Variants in SYT16 observed in about 807,000 individuals in gnomAD.
SYT16 encodes synaptotagmin 16, also known as synaptotagmin-16.
A neutral mutation model predicts 61.4 loss-of-function variants in SYT16; 42 were observed. The observed-to-expected ratio is 0.68, with a 90% CI of 0.53 to 0.89. SYT16 has a LOEUF of 0.89. SYT16 is among the 40% of genes least tolerant of loss of function. The pLI, the probability that SYT16 is intolerant of heterozygous loss-of-function variation, is 0.00. For synonymous variants in SYT16, 314 were observed against 302.3 expected, an observed-to-expected ratio of 1.04 and a Z score of -0.40; for missense variants, 804 against 807.3, an observed-to-expected ratio of 1.00 and a Z score of 0.05.
At chr14:61,973,122 C>T (rs758676720) in intron 2 of SYT16, among the ~76,000 whole-genome samples, 21 of 152,148 alleles carry the variant, frequency 1.4e-4, no homozygotes, top group South Asian at 8.3e-4. Context: ...TAATTCCTTT[C>T]GATTATGTGG....
At chr14:62,082,943 G>T (rs1275961616) in intron 6 of SYT16, among the ~76,000 whole-genome samples, 3 of 152,246 alleles carry the variant, frequency 2.0e-5, no homozygotes, top group Non-Finnish European at 4.4e-5. Context: ...TACGGATTCA[G>T]AATTTGATGG....
intron 1 of SYT16, among the ~76,000 whole-genome samples, chr14:61,924,268 T>C (rs1462585525): frequency 6.6e-6 from 1 of 152,214 alleles, no homozygotes; most frequent in African/African-American, 2.4e-5. Flanking sequence ...CCCTAATGGT[T>C]GGCAGGTCTC....
At chr14:61,817,005 C>T (rs796572879) in intron 1 of SYT16, among the ~76,000 whole-genome samples, 5 of 60,404 alleles carry the variant, frequency 8.3e-5, no homozygotes, top group African/African-American at 3.1e-4. Flanking sequence ...AGTGAGGCTC[C>T]GTCACACACA....
At chr14:61,905,190 A>G (rs2048657984) in intron 1 of SYT16, among the ~76,000 whole-genome samples, 1 of 152,238 alleles carries the variant, frequency 6.6e-6, no homozygotes, top group Non-Finnish European at 1.5e-5. Flanking sequence ...CAGATGCCTG[A>G]AATTCCATCT....
intron 3 of SYT16, among the ~76,000 whole-genome samples, chr14:61,998,354 C>G (rs1332934712): frequency 1.3e-5 from 2 of 151,890 alleles, no homozygotes; most frequent in African/African-American, 4.8e-5. Context: ...TTAGTCAGTC[C>G]TTTCCCTATT....
chr14:62,085,559 A>C (rs571653533), intron 7 of SYT16, among the ~76,000 whole-genome samples: 1 of 152,330 alleles, frequency 6.6e-6, no homozygotes, highest in African/African-American at 2.4e-5. Context: ...TAGGAGCACC[A>C]CTGGAAAAGA....
At chr14:62,008,358 C>T (rs2053309031) in intron 3 of SYT16, among the ~76,000 whole-genome samples, 1 of 152,126 alleles carries the variant, frequency 6.6e-6, no homozygotes, top group South Asian at 2.1e-4. Flanking sequence ...TAATGGAGTT[C>T]TTAGTGCTCT....
At chr14:61,898,259 C>A (rs1224921317) in intron 1 of SYT16, among the ~76,000 whole-genome samples, 1 of 152,172 alleles carries the variant, frequency 6.6e-6, no homozygotes, top group Non-Finnish European at 1.5e-5. Context: ...CCACTCCTAC[C>A]TTATCCTAGT....
intron 3 of SYT16, among the ~76,000 whole-genome samples, chr14:62,021,914 T>A (rs2053923829): frequency 6.6e-6 from 1 of 152,204 alleles, no homozygotes; most frequent in South Asian, 2.1e-4. Flanking sequence ...GTAAGCAAAT[T>A]CTAGTATCTT....
At chr14:62,053,548 A>G (rs543201705) in intron 3 of SYT16, among the ~76,000 whole-genome samples, 34 of 152,274 alleles carry the variant, frequency 2.2e-4, no homozygotes, top group African/African-American at 7.2e-4. Flanking sequence ...TATTGATTCT[A>G]TTTCTCTGCA....
chr14:62,058,258 A>T (rs2055655299), intron 3 of SYT16, among the ~76,000 whole-genome samples: 1 of 152,054 alleles, frequency 6.6e-6, no homozygotes, highest in South Asian at 2.1e-4. Context: ...CTTTGTGTGA[A>T]CATGTGTCTT....
At chr14:62,017,797 G>A (rs1018879685) in intron 3 of SYT16, among the ~76,000 whole-genome samples, 3 of 150,994 alleles carry the variant, frequency 2.0e-5, no homozygotes, top group Admixed American at 6.6e-5. Flanking sequence ...CATAGCTCAC[G>A]GCAGCCTTGA....
intron 1 of SYT16, among the ~76,000 whole-genome samples, chr14:61,878,202 A>G (rs1448882910): frequency 6.6e-6 from 1 of 152,240 alleles, no homozygotes; most frequent in Non-Finnish European, 1.5e-5. Context: ...AAAAAAAGTC[A>G]TTATATTGAA....
chr14:61,828,282 G>C (rs1187411898), intron 1 of SYT16, among the ~76,000 whole-genome samples: 1 of 152,104 alleles, frequency 6.6e-6, no homozygotes, highest in Non-Finnish European at 1.5e-5. Context: ...CATACTTTTT[G>C]CCTTCAAAAA....
At chr14:62,078,299 G>A (rs532807852) in intron 5 of SYT16, among the ~76,000 whole-genome samples, 1 of 152,206 alleles carries the variant, frequency 6.6e-6, no homozygotes, top group South Asian at 2.1e-4. Context: ...TTGGATACGA[G>A]TTAAGGCAGG....
chr14:61,948,448 G>A (rs2050536532), intron 1 of SYT16, among the ~76,000 whole-genome samples: 1 of 152,094 alleles, frequency 6.6e-6, no homozygotes, highest in South Asian at 2.1e-4. Flanking sequence ...AAAGGAGATG[G>A]AGGACAACCT....
Position 61,996,120 on chromosome 14 carries a change from T to G in SYT16, c.101T>G (p.Met34Arg). ...GAAGCTCTCCAGCAAGCAGGAGATA[T>G]GTTATCTGCTTCGCTGGTTAACATA... is the stretch of plus-strand genomic sequence containing the variant. Reference protein sequence around the residue: ...VYEALQQAGDMLSASLVNISK... With the variant: ...VYEALQQAGDRLSASLVNISK... The change falls in exon 3 of 8, where the codon ATG (methionine) becomes AGG (arginine). Residue 34 changes from methionine (M) to arginine (R), a missense_variant. By Grantham distance (91) the Met-to-Arg change is moderately conservative. Coordinates refer to ENST00000683842, the MANE Select transcript of SYT16 (RefSeq NM_001367656.1). The G allele has an allele frequency of 6.2e-7, 1 of 1,613,352 alleles. No homozygotes were observed. Among genetic ancestry groups the G allele is most frequent in the Non-Finnish European group, 8.5e-7 (1 of 1,179,528 alleles).
intron 3 of SYT16, among the ~76,000 whole-genome samples, chr14:62,001,793 C>T (rs775272859): frequency 6.6e-6 from 1 of 151,834 alleles, no homozygotes; most frequent in African/African-American, 2.4e-5. Context: ...TTTTCTTCTT[C>T]GTAGTTCAGC....
intron 1 of SYT16, among the ~76,000 whole-genome samples, chr14:61,914,800 T>G (rs1031065478): frequency 6.6e-6 from 1 of 152,224 alleles, no homozygotes; most frequent in Non-Finnish European, 1.5e-5. Flanking sequence ...ATTTCCCTTC[T>G]TACAGCCTTG....
Sources: allele counts gnomAD v4.1 joint callset (sites outside exome capture counted in the v4.1 genomes callset), GRCh38; gene constraint gnomAD v4.1.1; transcripts MANE v1.5; gene names NCBI Gene and HGNC (gene_info 2026-07-23, HGNC 2026-07-21).